The following GNA14 variants were observed in gnomAD, a reference collection of about 807,000 sequenced individuals.
GNA14 encodes the protein G protein subunit alpha 14.
In GNA14, 50 loss-of-function variants were observed where a neutral mutation model predicts 42.0. That is an observed-to-expected ratio of 1.19 (90% CI 0.95 to 1.51). GNA14 has a LOEUF of 1.51. Among genes scored for constraint, GNA14 ranks in the 40% most tolerant of loss-of-function variants. The probability of loss-of-function intolerance (pLI) is 0.00; values close to 1 mark genes in which losing one functional copy is unlikely to be tolerated. For synonymous variants in GNA14, 173 were observed against 163.1 expected (o/e 1.06, Z -0.46); for missense variants, 473 against 446.2 (o/e 1.06, Z -0.54).
intron 2 of GNA14, among the ~76,000 whole-genome samples, chr9:77,504,009 C>T (rs1363119132): frequency 6.6e-6 from 1 of 152,078 alleles, no homozygotes; most frequent in Non-Finnish European, 1.5e-5. Context: ...AGGAAGAATG[C>T]AACAGATGGA....
At chr9:77,596,843 G>A (rs555298270) in intron 1 of GNA14, among the ~76,000 whole-genome samples, 1 of 152,286 alleles carries the variant, frequency 6.6e-6, no homozygotes, top group East Asian at 1.9e-4. Flanking sequence ...GCAACCATTT[G>A]TGTTTTGTCT....
rs74615220 is a variant in GNA14 at position 77,487,540 on chromosome 9, A to G, written c.309+41529T>C. Among the ~76,000 whole-genome samples, 1,300 of 152,342 alleles carry G rather than the reference A, an allele frequency of 8.5e-3. 6 individuals carry two copies. The highest frequency in any genetic ancestry group is 0.01 in the Non-Finnish European group (689 of 68,040). ...GCCAGTATGTAAAAGCACTTTATAA[A>G]TGATAAAGCTAAATCCAAGAGACAT... On this transcript the variant is annotated intron_variant, in intron 2 of 6. Coordinates refer to ENST00000341700, the MANE Select transcript of GNA14 (RefSeq NM_004297.4).
chr9:77,635,500 A>G (rs1037224257), intron 1 of GNA14, among the ~76,000 whole-genome samples: 1 of 152,206 alleles, frequency 6.6e-6, no homozygotes, highest in Non-Finnish European at 1.5e-5. Context: ...TACTATGTCA[A>G]TAACTAGTTT....
chr9:77,613,639 C>T (rs757045622), intron 1 of GNA14, among the ~76,000 whole-genome samples: 22 of 152,170 alleles, frequency 1.4e-4, no homozygotes, highest in Non-Finnish European at 2.8e-4. Flanking sequence ...ATCTACTTTT[C>T]TCCAAACTTG....
At chr9:77,567,301 T>G (rs536822911) in intron 1 of GNA14, among the ~76,000 whole-genome samples, 1 of 152,138 alleles carries the variant, frequency 6.6e-6, no homozygotes, top group East Asian at 1.9e-4. Flanking sequence ...TGTTCCAAGG[T>G]TTTTTAATGA....
At chr9:77,435,050 TAAA>T (rs3052358) in intron 2 of GNA14, among the ~76,000 whole-genome samples, 5,703 of 119,204 alleles carry the variant, frequency 0.048, 238 homozygotes, top group East Asian at 0.19. Flanking sequence ...TTCTTTCATT[TAAA>T]AAAAAAAAAA....
intron 1 of GNA14, among the ~76,000 whole-genome samples, chr9:77,566,932 A>T (rs1051579256): frequency 3.9e-5 from 6 of 152,118 alleles, no homozygotes; most frequent in Non-Finnish European, 5.9e-5. Flanking sequence ...AAATAATAAT[A>T]ATTATTTGTA....
At chr9:77,427,893 T>G (rs774207857) in intron 5 of GNA14, among the ~76,000 whole-genome samples, 1 of 152,094 alleles carries the variant, frequency 6.6e-6, no homozygotes, top group Non-Finnish European at 1.5e-5. Context: ...GGATCTAATT[T>G]GGGAGCACCA....
chr9:77,488,921 T>A (rs958526475), intron 2 of GNA14, among the ~76,000 whole-genome samples: 1 of 151,548 alleles, frequency 6.6e-6, no homozygotes, highest in African/African-American at 2.4e-5. Context: ...CCTCCTGAAA[T>A]TGACAAAGCA....
intron 1 of GNA14, among the ~76,000 whole-genome samples, chr9:77,646,593 G>A (rs1824355919): frequency 6.6e-6 from 1 of 152,152 alleles, no homozygotes; most frequent in Non-Finnish European, 1.5e-5. Context: ...AAGCTTTCTG[G>A]GAGGGTGATT....
At chr9:77,638,335 T>C (rs1237762842) in intron 1 of GNA14, among the ~76,000 whole-genome samples, 2 of 152,158 alleles carry the variant, frequency 1.3e-5, no homozygotes, top group African/African-American at 4.8e-5. Flanking sequence ...AATTCCAAGA[T>C]AACAGCTATG....
chr9:77,573,656 CA>C (rs1182030757), intron 1 of GNA14, among the ~76,000 whole-genome samples: 1 of 152,020 alleles, frequency 6.6e-6, no homozygotes, highest in Non-Finnish European at 1.5e-5. Flanking sequence ...AATCTTGCAC[CA>C]AAATCTCTAA....
chr9:77,614,897 T>A (rs936352686), intron 1 of GNA14, among the ~76,000 whole-genome samples: 5 of 152,216 alleles, frequency 3.3e-5, no homozygotes, highest in African/African-American at 9.6e-5. Flanking sequence ...GGTGGTAGAT[T>A]GCAAATACTC....
chr9:77,509,787 G>T (rs1026687612), intron 2 of GNA14, among the ~76,000 whole-genome samples: 7 of 152,092 alleles, frequency 4.6e-5, no homozygotes, highest in Admixed American at 6.5e-5. Flanking sequence ...GACAAAAACG[G>T]CAATTACTTT....
At chr9:77,462,723 G>A (rs991707312) in intron 2 of GNA14, among the ~76,000 whole-genome samples, 2 of 30,936 alleles carry the variant, frequency 6.5e-5, no homozygotes, top group African/African-American at 2.0e-4. Context: ...TCCATCTCGG[G>A]GCGGGGGGTG....
rs1196863730 is a variant in GNA14, at chr9:77,645,453, T to G, written c.124+2217A>C. On this transcript the variant is annotated intron_variant, in intron 1 of 6. Transcript: ENST00000341700. ...GAGGTTTTGAAGTCCATCCTTGGAG[T>G]TCTGAACGGCTCTGTGTGGTTTAGA... Among the ~76,000 whole-genome samples the G allele has an allele frequency of 2.0e-5, 3 of 152,164 alleles. No homozygotes were observed. In the East Asian group the frequency reaches 5.8e-4, roughly 29 times the overall value.
At chr9:77,585,188 G>GC (rs1444199670) in intron 1 of GNA14, among the ~76,000 whole-genome samples, 1 of 152,148 alleles carries the variant, frequency 6.6e-6, no homozygotes, top group Non-Finnish European at 1.5e-5. Context: ...AGGGAAGAGT[G>GC]CGTATGAGAC....
chr9:77,570,132 T>G (rs2131795750), intron 1 of GNA14, among the ~76,000 whole-genome samples: 1 of 152,328 alleles, frequency 6.6e-6, no homozygotes, highest in South Asian at 2.1e-4. Context: ...TTGTCATTAT[T>G]GTTTGTTGGA....
chr9:77,591,320 G>C (rs1823387623), intron 1 of GNA14, among the ~76,000 whole-genome samples: 2 of 152,198 alleles, frequency 1.3e-5, no homozygotes, highest in Admixed American at 1.3e-4. Context: ...CTCCATCCTT[G>C]TCCACAAATC....
Sources: allele counts gnomAD v4.1 joint callset (sites outside exome capture counted in the v4.1 genomes callset), GRCh38; gene constraint gnomAD v4.1.1; transcripts MANE v1.5; gene names NCBI Gene and HGNC (gene_info 2026-07-23, HGNC 2026-07-21).